SLC39A10: variants seen among roughly 807,000 people sequenced by gnomAD.
The protein encoded by SLC39A10 is zinc transporter ZIP10.
Under a neutral mutation model 65.1 loss-of-function variants are expected in SLC39A10, and 13 were observed. The observed-to-expected ratio is 0.20, with a 90% CI of 0.13 to 0.32. The LOEUF (loss-of-function observed/expected upper bound fraction) is 0.32. Among genes scored for constraint, SLC39A10 ranks in the 10% least tolerant of loss-of-function variants. The pLI, the probability that SLC39A10 is intolerant of heterozygous loss-of-function variation, is 1.00. For missense variants in SLC39A10, 831 were observed against 1,018.4 expected (o/e 0.82, Z 2.50); for synonymous variants, 321 against 342.2 (o/e 0.94, Z 0.68).
chr2:195,692,358 A>AT lies in SLC39A10; in HGVS notation c.1216+8461dup, dbSNP rs199952160. Among the ~76,000 whole-genome samples the AT allele has an allele frequency of 3.2e-3, 481 of 151,198 alleles. 1 individual carries two copies. The highest frequency in any genetic ancestry group is 0.011 in the African/African-American group (438 of 41,216). Reference sequence around the variant, plus strand: ...TTTTTGGTTCCATATGAATTTTAAGATTTTTTTTTCTAGTTTTGTGAAGAA... The same window carrying AT: ...TTTTTGGTTCCATATGAATTTTAAGATTTTTTTTTTCTAGTTTTGTGAAGAA... On this transcript the variant is annotated intron_variant, in intron 3 of 9. Transcript: ENST00000359634.
intron 1 of SLC39A10, chr2:195,658,416 A>T (rs1689251958): frequency 1.3e-5 from 2 of 152,144 alleles, no homozygotes; most frequent in Non-Finnish European, 2.9e-5. Flanking sequence ...AAAAAACAAA[A>T]AGTATGGTAG....
intron 6 of SLC39A10, among the ~76,000 whole-genome samples, chr2:195,714,231 G>C (rs1691706760): frequency 6.6e-6 from 1 of 151,904 alleles, no homozygotes; most frequent in Non-Finnish European, 1.5e-5. Context: ...GCGCCCGGCC[G>C]ACAAATACTT....
intron 4 of SLC39A10, among the ~76,000 whole-genome samples, chr2:195,707,101 G>C (rs1038966963): frequency 1.3e-5 from 2 of 152,140 alleles, no homozygotes; most frequent in African/African-American, 4.8e-5. Flanking sequence ...AAATGCATAA[G>C]ATATGTTGTA....
upstream of SLC39A10, among the ~76,000 whole-genome samples, chr2:195,652,816 C>G (rs886726437): frequency 2.2e-4 from 33 of 152,316 alleles, no homozygotes; most frequent in African/African-American, 7.7e-4. Flanking sequence ...CGGGGCCACA[C>G]AGCAGGAGGT....
At chr2:195,701,246 C>G (rs557701033) in intron 3 of SLC39A10, among the ~76,000 whole-genome samples, 1 of 151,546 alleles carries the variant, frequency 6.6e-6, no homozygotes, top group Non-Finnish European at 1.5e-5. Context: ...AGTTATTGTA[C>G]TTCGCAGTTC....
In SLC39A10 at chr2:195,735,309, C is replaced by G. The variant is rs1161423914; in HGVS notation, c.*268C>G. On this transcript the variant is annotated 3_prime_UTR_variant, in exon 10 of 10. Transcript: ENST00000359634. The stretch of plus-strand genomic sequence containing the variant: ...TGATATGTTTGATTAAGACTTTTCA[C>G]AAAATAATCATATAAAACACTAGTC... 4 of 258,756 alleles carry G rather than the reference C, an allele frequency of 1.5e-5. No individual in the cohort carries two copies. The highest frequency in any genetic ancestry group is 2.9e-5 in the Non-Finnish European group (4 of 138,366). The allele number at this position is 258,756 out of a possible 1,614,324, so 16.0% of individuals were successfully genotyped here. A position where few individuals can be genotyped will look rare whatever the true frequency, so the allele number is the denominator to read the frequency against.
At chr2:195,668,669 C>G (rs2083277) in intron 1 of SLC39A10, among the ~76,000 whole-genome samples, 69,676 of 152,032 alleles carry the variant, frequency 0.46, 17,199 homozygotes, top group Non-Finnish European at 0.57. Context: ...AAAAATACTC[C>G]CTAGAGTAAA....
rs957727706 is a variant in SLC39A10 at position 195,676,646 on chromosome 2, C to T, written c.-11-3386C>T. Among the ~76,000 whole-genome samples the T allele has an allele frequency of 2.0e-5, 3 of 152,120 alleles. No individual in the cohort carries two copies. In the East Asian group the frequency reaches 5.8e-4, roughly 29 times the overall value. On this transcript the variant is annotated intron_variant, in intron 1 of 9. Coordinates refer to ENST00000359634, the MANE Select transcript of SLC39A10 (RefSeq NM_020342.3). ...GCTCTTTCAGAACTCTGTTCCACTC[C>T]ACTGGCCTATCTACCCCTGTGCTAG...
At chr2:195,663,448 A>G (rs73054409) in intron 1 of SLC39A10, among the ~76,000 whole-genome samples, 3,518 of 152,294 alleles carry the variant, frequency 0.023, 118 homozygotes, top group African/African-American at 0.081. Context: ...AATATAAATG[A>G]AACAATACAT....
At chr2:195,723,278 T>TA (rs1692115760) in intron 8 of SLC39A10, among the ~76,000 whole-genome samples, 1 of 152,214 alleles carries the variant, frequency 6.6e-6, no homozygotes, top group Admixed American at 6.5e-5. Flanking sequence ...TTGCCGAACT[T>TA]ATGTAGCTGA....
At chr2:195,708,893 A>G in intron 5 of SLC39A10, 49 bp downstream of exon 5, 1 of 1,378,874 alleles carries the variant, frequency 7.3e-7, no homozygotes, top group Non-Finnish European at 9.9e-7. Context: ...CTCAAAACAA[A>G]AATTATCCTT....
intron 6 of SLC39A10, among the ~76,000 whole-genome samples, chr2:195,715,275 C>G (rs1691751023): frequency 6.6e-6 from 1 of 151,948 alleles, no homozygotes; most frequent in Non-Finnish European, 1.5e-5. Flanking sequence ...CGCCTGTCAT[C>G]CCGGCACTTT....
intron 7 of SLC39A10, chr2:195,717,371 G>T: frequency 6.1e-6 from 1 of 163,108 alleles, no homozygotes; most frequent in Admixed American, 6.3e-5. Flanking sequence ...CTTTGAAAAA[G>T]CAAAAAAAAA....
At chr2:195,640,053 T>C in intron 2 of SLC39A10, among the ~76,000 whole-genome samples, 1 of 152,240 alleles carries the variant, frequency 6.6e-6, no homozygotes, top group East Asian at 1.9e-4. Flanking sequence ...TTCTCAGATT[T>C]GCCTTTTGGG....
Position 195,737,479 on chromosome 2 carries a change from A to AGTCG in SLC39A10, c.*2438_*2439insGTCG, listed in dbSNP as rs1282946154. The AGTCG allele has an allele frequency of 1.2e-5, 2 of 161,032 alleles. No homozygotes were observed. The highest frequency in any genetic ancestry group is 4.8e-5 in the African/African-American group (2 of 41,344). The allele number at this position is 161,032 out of a possible 1,614,324, so 10.0% of individuals were successfully genotyped here. A position where few individuals can be genotyped will look rare whatever the true frequency, so the allele number is the denominator to read the frequency against. ...TGTGAATTTTTTCCATTAACAAACAAACAAGTCAGTGGCTTAAATGTGATT... is the reference window on the plus strand; with the variant it reads ...TGTGAATTTTTTCCATTAACAAACAAGTCGACAAGTCAGTGGCTTAAATGTGATT... On this transcript the variant is annotated 3_prime_UTR_variant, in exon 10 of 10. Coordinates refer to ENST00000359634, the MANE Select transcript of SLC39A10 (RefSeq NM_020342.3).
intron 2 of SLC39A10, among the ~76,000 whole-genome samples, chr2:195,625,883 C>G (rs575887607): frequency 6.6e-6 from 1 of 152,160 alleles, no homozygotes; most frequent in Non-Finnish European, 1.5e-5. Context: ...CTCCAGGGAT[C>G]GAGCAATTCT....
At chr2:195,707,811 A>T (rs1272143762) in intron 4 of SLC39A10, among the ~76,000 whole-genome samples, 2 of 152,150 alleles carry the variant, frequency 1.3e-5, no homozygotes, top group Non-Finnish European at 2.9e-5. Context: ...GAGTGGTCTG[A>T]TATCCTCTGA....
At chr2:195,693,455 C>T (rs55661698) in intron 3 of SLC39A10, among the ~76,000 whole-genome samples, 22,366 of 151,732 alleles carry the variant, frequency 0.15, 1,939 homozygotes, top group African/African-American at 0.23. Flanking sequence ...TGGTCCTGGA[C>T]TTTTTTTTGT....
intron 1 of SLC39A10, among the ~76,000 whole-genome samples, chr2:195,669,329 G>A (rs1689758040): frequency 6.6e-6 from 1 of 152,048 alleles, no homozygotes; most frequent in Non-Finnish European, 1.5e-5. Flanking sequence ...CTGGTTTCAA[G>A]ATACACAAAT....
Sources: allele counts gnomAD v4.1 joint callset (sites outside exome capture counted in the v4.1 genomes callset), GRCh38; gene constraint gnomAD v4.1.1; transcripts MANE v1.5; gene names NCBI Gene and HGNC (gene_info 2026-07-23, HGNC 2026-07-21).